Variants in GHR observed in about 807,000 individuals in gnomAD.
The protein encoded by GHR is growth hormone receptor, also known as GH receptor.
Under a neutral mutation model 67.1 loss-of-function variants are expected in GHR, and 35 were observed. The ratio of observed to expected loss-of-function variants is 0.52; its 90% CI spans 0.40 to 0.69. The LOEUF (loss-of-function observed/expected upper bound fraction) is 0.69. GHR is among the 30% of genes least tolerant of loss of function. The pLI, the probability that GHR is intolerant of heterozygous loss-of-function variation, is 0.00. For synonymous variants in GHR, 272 were observed against 269.1 expected (o/e 1.01, Z -0.10); for missense variants, 792 against 764.6 (o/e 1.04, Z -0.42).
chr5:42,438,831 A>T (rs1016356148), intron 1 of GHR, among the ~76,000 whole-genome samples: 1 of 152,132 alleles, frequency 6.6e-6, no homozygotes, highest in East Asian at 1.9e-4. Flanking sequence ...CAACAGCTTG[A>T]TTCATGAAAG....
intron 3 of GHR, among the ~76,000 whole-genome samples, chr5:42,666,565 T>C (rs939949981): frequency 2.6e-5 from 4 of 152,188 alleles, no homozygotes; most frequent in Non-Finnish European, 5.9e-5. Flanking sequence ...TTTAAATTAA[T>C]TAAAATGGAA....
chr5:42,508,788 A>G (rs1362600712), intron 1 of GHR, among the ~76,000 whole-genome samples: 1 of 152,066 alleles, frequency 6.6e-6, no homozygotes, highest in Non-Finnish European at 1.5e-5. Flanking sequence ...GTTGGCCAGG[A>G]TGGTCTTGAT....
chr5:42,547,476 G>GTT (rs113986171), intron 1 of GHR, among the ~76,000 whole-genome samples: 3 of 149,136 alleles, frequency 2.0e-5, no homozygotes, highest in African/African-American at 7.4e-5. Flanking sequence ...TAGAAAGCTG[G>GTT]TTTTTTTTTT....
intron 3 of GHR, among the ~76,000 whole-genome samples, chr5:42,682,183 A>C (rs1428394678): frequency 6.6e-6 from 1 of 152,124 alleles, no homozygotes; most frequent in African/African-American, 2.4e-5. Flanking sequence ...AAAACCAAAC[A>C]CCACATGTGT....
In GHR at chr5:42,711,264, T is replaced by A. The variant is rs1758443278; in HGVS notation, c.676T>A (p.Tyr226Asn). Residue 226 changes from tyrosine to asparagine, a missense_variant, in exon 7 of 10, where the codon TAT (tyrosine) becomes AAT (asparagine). Physicochemically the swap from Tyr to Asn is moderately radical, Grantham distance 143. Transcript: ENST00000230882. ...GTACTCATTGAAAGTGGATAAGGAA[T>A]ATGAAGTGCGTGTGAGATCCAAACA... ...PVYSLKVDKEYEVRVRSKQRN... is the reference protein window; with the variant it reads ...PVYSLKVDKENEVRVRSKQRN... The A allele has an allele frequency of 6.2e-7, 1 of 1,612,756 alleles. No individual in the cohort carries two copies. Among genetic ancestry groups the A allele is most frequent in the Non-Finnish European group, 8.5e-7 (1 of 1,178,880 alleles).
chr5:42,681,465 C>T (rs1231693278), intron 3 of GHR, among the ~76,000 whole-genome samples: 4 of 152,132 alleles, frequency 2.6e-5, no homozygotes, highest in African/African-American at 9.7e-5. Flanking sequence ...ACAACAGATG[C>T]TGGAGAGGAT....
At chr5:42,427,496 T>C (rs1348625421) in intron 1 of GHR, among the ~76,000 whole-genome samples, 1 of 152,194 alleles carries the variant, frequency 6.6e-6, no homozygotes, top group Non-Finnish European at 1.5e-5. Context: ...TTCCACCACA[T>C]GTGGGAATTA....
intron 2 of GHR, among the ~76,000 whole-genome samples, chr5:42,578,591 G>T (rs1750897141): frequency 6.6e-6 from 1 of 152,094 alleles, no homozygotes; most frequent in South Asian, 2.1e-4. Flanking sequence ...AATGAAATCA[G>T]AGAAAACCAA....
At chr5:42,665,104 G>T (rs1755885934) in intron 3 of GHR, among the ~76,000 whole-genome samples, 1 of 152,182 alleles carries the variant, frequency 6.6e-6, no homozygotes, top group Admixed American at 6.5e-5. Flanking sequence ...AACAACAGGT[G>T]CTGGATAGGA....
intron 6 of GHR, among the ~76,000 whole-genome samples, chr5:42,710,509 A>C (rs2111813076): frequency 6.6e-6 from 1 of 152,116 alleles, no homozygotes; most frequent in East Asian, 1.9e-4. Context: ...CCCCTCCCCG[A>C]GAAGGTAAAG....
intron 1 of GHR, among the ~76,000 whole-genome samples, chr5:42,500,658 G>A (rs1746503264): frequency 6.6e-6 from 1 of 152,098 alleles, no homozygotes; most frequent in Non-Finnish European, 1.5e-5. Context: ...CTGCTTCTTG[G>A]GGAAATGCTT....
At chr5:42,453,421 C>T (rs1288782741) in intron 1 of GHR, among the ~76,000 whole-genome samples, 1 of 152,108 alleles carries the variant, frequency 6.6e-6, no homozygotes, top group African/African-American at 2.4e-5. Flanking sequence ...GATGTAATAC[C>T]CAATGGCGAG....
At chr5:42,540,796 C>T (rs542583420) in intron 1 of GHR, among the ~76,000 whole-genome samples, 2 of 152,130 alleles carry the variant, frequency 1.3e-5, no homozygotes, top group African/African-American at 2.4e-5. Context: ...ATGCCCATGT[C>T]CTTCTGCACC....
intron 1 of GHR, among the ~76,000 whole-genome samples, chr5:42,431,332 G>A (rs143841866): frequency 1.2e-3 from 184 of 152,162 alleles, no homozygotes; most frequent in African/African-American, 4.1e-3. Context: ...TTGTGCTAAA[G>A]AAAATTCATT....
intron 3 of GHR, among the ~76,000 whole-genome samples, chr5:42,658,943 A>C (rs1755408961): frequency 1.3e-5 from 2 of 152,146 alleles, no homozygotes; most frequent in Non-Finnish European, 2.9e-5. Context: ...TTATGAAGAG[A>C]GTTGTCTAAT....
At chr5:42,593,638 G>A (rs919426062) in intron 2 of GHR, among the ~76,000 whole-genome samples, 6 of 152,214 alleles carry the variant, frequency 3.9e-5, no homozygotes, top group Admixed American at 3.3e-4. Context: ...GCACTGGAAT[G>A]TATAGCCTAG....
At chr5:42,489,718 A>C (rs1746032908) in intron 1 of GHR, among the ~76,000 whole-genome samples, 1 of 152,174 alleles carries the variant, frequency 6.6e-6, no homozygotes, top group African/African-American at 2.4e-5. Flanking sequence ...TTGAAGTTTT[A>C]TTAGTCTGGA....
At chr5:42,703,671 C>T (rs142103331) in intron 6 of GHR, among the ~76,000 whole-genome samples, 32 of 152,146 alleles carry the variant, frequency 2.1e-4, no homozygotes, top group Admixed American at 4.6e-4. Context: ...ATTAATTCTT[C>T]TAATCCATGA....
chr5:42,661,322 A>G (rs561367992), intron 3 of GHR, among the ~76,000 whole-genome samples: 1 of 152,334 alleles, frequency 6.6e-6, no homozygotes, highest in African/African-American at 2.4e-5. Context: ...CAAAGTTGAA[A>G]CGAAGGAAAA....
Sources: allele counts gnomAD v4.1 joint callset (sites outside exome capture counted in the v4.1 genomes callset), GRCh38; gene constraint gnomAD v4.1.1; transcripts MANE v1.5; gene names NCBI Gene and HGNC (gene_info 2026-07-23, HGNC 2026-07-21).